The following DGKB variants were observed in gnomAD, a reference collection of about 807,000 sequenced individuals.
The protein encoded by DGKB is 90 kDa diacylglycerol kinase.
A neutral mutation model predicts 114.3 loss-of-function variants in DGKB; 67 were observed. That is an observed-to-expected ratio of 0.59 (90% CI 0.48 to 0.72). The LOEUF (loss-of-function observed/expected upper bound fraction) is 0.72, where lower values mean the gene tolerates loss of function less well. DGKB is among the 30% of genes least tolerant of loss of function. The probability of loss-of-function intolerance (pLI) is 0.00; values close to 1 mark genes in which losing one functional copy is unlikely to be tolerated. For missense variants in DGKB, 907 were observed against 975.2 expected, an observed-to-expected ratio of 0.93 and a Z score of 0.93; for synonymous variants, 398 against 323.1, an observed-to-expected ratio of 1.23 and a Z score of -2.49.
chr7:14,788,188 G>A (rs1207661167), intron 2 of DGKB, among the ~76,000 whole-genome samples: 1 of 152,200 alleles, frequency 6.6e-6, no homozygotes, highest in African/African-American at 2.4e-5. Context: ...GCATTGCCCT[G>A]ATACAAAACA....
intron 1 of DGKB, among the ~76,000 whole-genome samples, chr7:14,855,987 G>GTATA (rs3036251): frequency 0.29 from 42,011 of 143,480 alleles, 7,007 homozygotes; most frequent in Non-Finnish European, 0.38. Context: ...TAGATAATGT[G>GTATA]TATATATATA....
chr7:14,965,270 C>T (rs535233275), intron 1 of DGKB, among the ~76,000 whole-genome samples: 2 of 152,038 alleles, frequency 1.3e-5, no homozygotes, highest in African/African-American at 4.8e-5. Context: ...GTACACTGTA[C>T]TTTGAAAATA....
chr7:14,316,770 C>T (rs1241729661), intron 23 of DGKB, among the ~76,000 whole-genome samples: 1 of 151,470 alleles, frequency 6.6e-6, no homozygotes, highest in African/African-American at 2.4e-5. Flanking sequence ...GGGAATCCTC[C>T]CTAACTCATT....
At chr7:14,493,966 A>G (rs949202834) in intron 20 of DGKB, among the ~76,000 whole-genome samples, 1 of 150,858 alleles carries the variant, frequency 6.6e-6, no homozygotes, top group African/African-American at 2.4e-5. Flanking sequence ...ACACACATCT[A>G]TGTACACATC....
Position 14,600,946 on chromosome 7 carries a change from C to G in DGKB, c.1433+6488G>C, listed in dbSNP as rs574427371. Among the ~76,000 whole-genome samples the G allele has an allele frequency of 1.2e-4, 19 of 152,180 alleles. No homozygotes were observed. In the South Asian group the frequency reaches 3.9e-3, roughly 32 times the overall value. On this transcript the variant is annotated intron_variant, in intron 17 of 25. Transcript: ENST00000402815. ...GCCTGGAGTCTCAGAGGTGGCCCAG[C>G]CCCCATAGCTCCACTAGGCATTGTC... is the stretch of plus-strand genomic sequence containing the variant.
intron 23 of DGKB, among the ~76,000 whole-genome samples, chr7:14,254,134 C>G (rs1362431091): frequency 6.6e-6 from 1 of 152,082 alleles, no homozygotes; most frequent in Non-Finnish European, 1.5e-5. Flanking sequence ...AATTTTCGAT[C>G]TAGAGGAACA....
At chr7:14,353,501 G>C (rs1813866773) in intron 21 of DGKB, among the ~76,000 whole-genome samples, 1 of 152,138 alleles carries the variant, frequency 6.6e-6, no homozygotes, top group Non-Finnish European at 1.5e-5. Flanking sequence ...TGAAGGAAAA[G>C]ACAAGGGAAA....
At chr7:14,239,843 A>T (rs1192869550) in intron 23 of DGKB, among the ~76,000 whole-genome samples, 2 of 152,098 alleles carry the variant, frequency 1.3e-5, no homozygotes, top group Non-Finnish European at 2.9e-5. Flanking sequence ...CTCCAAACTT[A>T]TTAAGACTCT....
Position 14,147,765 on chromosome 7 carries a change from C to T in DGKB, c.*1366G>A, listed in dbSNP as rs1390837851. ...ATGAATGAACAATATTACAAGACTG[C>T]TCAGAAGCATTTCATTTTACATCAT... On this transcript the variant is annotated 3_prime_UTR_variant, in exon 26 of 26. Transcript: ENST00000402815. 1 of 152,486 alleles carries T rather than the reference C, an allele frequency of 6.6e-6. No homozygotes were observed. Among genetic ancestry groups the T allele is most frequent in the Non-Finnish European group, 1.5e-5 (1 of 67,966 alleles). 9.4% of individuals were successfully genotyped at this position (152,486 alleles called of 1,614,324 possible).
chr7:14,826,454 T>C (rs1172569196), intron 2 of DGKB, among the ~76,000 whole-genome samples: 1 of 152,176 alleles, frequency 6.6e-6, no homozygotes, highest in Admixed American at 6.6e-5. Flanking sequence ...TAAAGCAGAA[T>C]GGGGCTTCCT....
intron 1 of DGKB, among the ~76,000 whole-genome samples, chr7:14,889,929 A>G (rs916344095): frequency 5.9e-5 from 9 of 151,604 alleles, no homozygotes; most frequent in African/African-American, 2.2e-4. Context: ...TGGGATAAAT[A>G]TAATACAGAA....
chr7:14,760,905 G>C (rs1241968497), intron 2 of DGKB, among the ~76,000 whole-genome samples: 1 of 152,124 alleles, frequency 6.6e-6, no homozygotes, highest in Non-Finnish European at 1.5e-5. Flanking sequence ...AGTTTATACT[G>C]AATATTCTTA....
intron 20 of DGKB, among the ~76,000 whole-genome samples, chr7:14,527,424 A>G (rs1485700305): frequency 2.0e-5 from 3 of 152,058 alleles, no homozygotes; most frequent in Non-Finnish European, 2.9e-5. Flanking sequence ...TGTGGGTATT[A>G]TTTTTCTCAT....
intron 13 of DGKB, among the ~76,000 whole-genome samples, chr7:14,631,388 G>A (rs1436819046): frequency 1.3e-5 from 2 of 151,926 alleles, no homozygotes; most frequent in Non-Finnish European, 2.9e-5. Flanking sequence ...GACACAGAAG[G>A]AGAAGAAGAG....
At chr7:14,923,235 A>G (rs1784596385) in intron 1 of DGKB, among the ~76,000 whole-genome samples, 1 of 152,048 alleles carries the variant, frequency 6.6e-6, no homozygotes, top group Non-Finnish European at 1.5e-5. Context: ...TTCTGTTTTT[A>G]GTTTATGGAC....
intron 22 of DGKB, among the ~76,000 whole-genome samples, chr7:14,340,159 CTTTTTTTTTTTT>C (rs35208788): frequency 3.4e-5 from 3 of 89,174 alleles, no homozygotes; most frequent in Admixed American, 1.3e-4. Flanking sequence ...CTGGATGATG[CTTTTTTTTTTTT>C]TTTTTTTTTT....
intron 23 of DGKB, among the ~76,000 whole-genome samples, chr7:14,238,857 T>G (rs1371654495): frequency 1.4e-5 from 2 of 142,546 alleles, no homozygotes; most frequent in Non-Finnish European, 3.0e-5. Flanking sequence ...GATGTTAGCA[T>G]GCTTTATATG....
At chr7:14,917,815 T>C (rs776029082) in intron 1 of DGKB, among the ~76,000 whole-genome samples, 3 of 151,974 alleles carry the variant, frequency 2.0e-5, no homozygotes, top group African/African-American at 4.8e-5. Flanking sequence ...CTTACAAGAA[T>C]GAAAAACTAT....
At chr7:14,256,870 T>C (rs1435044103) in intron 23 of DGKB, among the ~76,000 whole-genome samples, 1 of 152,206 alleles carries the variant, frequency 6.6e-6, no homozygotes, top group East Asian at 1.9e-4. Context: ...CTAATTAAAT[T>C]ATGAGAATAA....
Sources: gnomAD v4.1 joint callset for allele counts (sites outside exome capture counted in the v4.1 genomes callset) on GRCh38, gnomAD v4.1.1 for gene constraint, MANE v1.5 for transcripts, NCBI Gene and HGNC (gene_info 2026-07-23, HGNC 2026-07-21) for gene names.